The following LRCH1 variants were observed in gnomAD, a reference collection of about 807,000 sequenced individuals.
LRCH1 encodes the protein leucine rich repeats and calponin homology domain containing 1.
In LRCH1, 23 loss-of-function variants were observed where a neutral mutation model predicts 94.9. The observed-to-expected ratio is 0.24, with a 90% CI of 0.17 to 0.34. The LOEUF (loss-of-function observed/expected upper bound fraction) is 0.34. Ranked by LOEUF, LRCH1 falls within the 10% of genes least tolerant of loss-of-function variation. The pLI, the probability that LRCH1 is intolerant of heterozygous loss-of-function variation, is 1.00. For synonymous variants in LRCH1, 364 were observed against 354.9 expected (o/e 1.03, Z -0.29); for missense variants, 790 against 945.9 (o/e 0.84, Z 2.16).
At chr13:46,640,940 T>C (rs988935606) in intron 1 of LRCH1, among the ~76,000 whole-genome samples, 1 of 152,204 alleles carries the variant, frequency 6.6e-6, no homozygotes, top group African/African-American at 2.4e-5. Context: ...GGCTGAGATC[T>C]TGACTCACTC....
intron 2 of LRCH1, among the ~76,000 whole-genome samples, chr13:46,656,999 G>A (rs2051377384): frequency 6.6e-6 from 1 of 152,218 alleles, no homozygotes; most frequent in East Asian, 1.9e-4. Flanking sequence ...AAAAAGAACA[G>A]AGAGACACAA....
chr13:46,740,994 A>C (rs1327535583), intron 19 of LRCH1, among the ~76,000 whole-genome samples: 1 of 152,202 alleles, frequency 6.6e-6, no homozygotes, highest in Non-Finnish European at 1.5e-5. Flanking sequence ...CTCTACTCTC[A>C]CTACACATCC....
chr13:46,557,042 G>A (rs2050073628), intron 1 of LRCH1, among the ~76,000 whole-genome samples: 2 of 152,188 alleles, frequency 1.3e-5, no homozygotes, highest in African/African-American at 2.4e-5. Context: ...TACACAGATT[G>A]CTTTGTATTG....
chr13:46,560,097 A>G (rs530959253), intron 1 of LRCH1, among the ~76,000 whole-genome samples: 15 of 145,684 alleles, frequency 1.0e-4, no homozygotes, highest in Non-Finnish European at 2.1e-4. Context: ...GCTTGTTTAA[A>G]CACAAGCTAT....
intron 3 of LRCH1, among the ~76,000 whole-genome samples, chr13:46,670,010 C>T (rs1378399398): frequency 6.6e-6 from 1 of 152,200 alleles, no homozygotes; most frequent in African/African-American, 2.4e-5. Flanking sequence ...GTGCCAACTC[C>T]TCTGGGGCCA....
intron 15 of LRCH1, among the ~76,000 whole-genome samples, chr13:46,715,139 C>T (rs147749420): frequency 6.6e-6 from 1 of 152,076 alleles, no homozygotes; most frequent in Non-Finnish European, 1.5e-5. Context: ...TTCTATGTCA[C>T]CAATTTTTTT....
At chr13:46,691,841 C>A (rs535935411) in intron 7 of LRCH1, among the ~76,000 whole-genome samples, 9 of 152,254 alleles carry the variant, frequency 5.9e-5, no homozygotes, top group African/African-American at 2.2e-4. Context: ...AGGTGTGTGC[C>A]ACCACGCCCA....
chr13:46,652,024 AC>A (rs34704437), intron 2 of LRCH1, among the ~76,000 whole-genome samples: 43,767 of 79,832 alleles, frequency 0.55, 13,287 homozygotes, highest in South Asian at 0.65. Flanking sequence ...AGTAGCTGGG[AC>A]TACAGGCGCC....
At chr13:46,739,737 T>C (rs1476330054) in intron 19 of LRCH1, among the ~76,000 whole-genome samples, 2 of 152,220 alleles carry the variant, frequency 1.3e-5, no homozygotes, top group Non-Finnish European at 2.9e-5. Context: ...TTCCTTTTTC[T>C]TTAGAGATTA....
At chr13:46,582,695 C>CTCAACATG (rs1193969294) in intron 1 of LRCH1, among the ~76,000 whole-genome samples, 59 of 62,404 alleles carry the variant, frequency 9.5e-4, no homozygotes, top group African/African-American at 3.1e-3. Context: ...GAGACGGGGT[C>CTCAACATG]TCAACATGTT....
chr13:46,595,694 A>G (rs898146489), intron 1 of LRCH1, among the ~76,000 whole-genome samples: 2 of 152,176 alleles, frequency 1.3e-5, no homozygotes, highest in South Asian at 2.1e-4. Context: ...GTGAGTTCCT[A>G]TGTCATAATT....
At chr13:46,603,222 G>A (rs2050650850) in intron 1 of LRCH1, among the ~76,000 whole-genome samples, 1 of 152,000 alleles carries the variant, frequency 6.6e-6, no homozygotes, top group Non-Finnish European at 1.5e-5. Flanking sequence ...TGTTTTCTGA[G>A]CATGGGTGTG....
intron 1 of LRCH1, among the ~76,000 whole-genome samples, chr13:46,634,364 G>A (rs1444322261): frequency 1.3e-5 from 2 of 152,054 alleles, no homozygotes; most frequent in Non-Finnish European, 1.5e-5. Flanking sequence ...ACCTTATTTC[G>A]GGCCTTCCTC....
At chr13:46,617,138 C>T (rs1394921142) in intron 1 of LRCH1, among the ~76,000 whole-genome samples, 1 of 152,212 alleles carries the variant, frequency 6.6e-6, no homozygotes, top group African/African-American at 2.4e-5. Context: ...CTGACAATAA[C>T]ACAGTGCTCA....
In LRCH1 at chr13:46,694,988, G is replaced by A; in HGVS notation, c.1216G>A (p.Gly406Ser). 1.2e-6 allele frequency: 2 copies of A among 1,613,952 alleles called. No homozygotes were observed. Among genetic ancestry groups the A allele is most frequent in the Non-Finnish European group, 1.7e-6 (2 of 1,179,886 alleles). ...ERDQFTDRAD[G>S]LHSEFMNYKA... ...AGACCAGTTTACTGATAGAGCAGATGGTCTCCATTCGGAATTTATGAACTA... is the reference window on the plus strand; with the variant it reads ...AGACCAGTTTACTGATAGAGCAGATAGTCTCCATTCGGAATTTATGAACTA... Residue 406 changes from glycine (G) to serine (S), a missense_variant, in exon 9 of 20, where the codon GGT (glycine) becomes AGT (serine). Around this residue, in one of 3 missense-constraint regions of LRCH1, gnomAD observed 460 missense variants for 508.9 expected, o/e 0.90. Transcript: ENST00000389797.
intron 1 of LRCH1, among the ~76,000 whole-genome samples, chr13:46,580,212 C>T (rs2050349561): frequency 6.6e-6 from 1 of 152,218 alleles, no homozygotes; most frequent in Non-Finnish European, 1.5e-5. Flanking sequence ...ACTATTTTCA[C>T]TGAAGGAGTT....
At chr13:46,736,263 ATAATGT>A (rs1475771798) in intron 19 of LRCH1, among the ~76,000 whole-genome samples, 1 of 152,170 alleles carries the variant, frequency 6.6e-6, no homozygotes, top group Non-Finnish European at 1.5e-5. Flanking sequence ...TTCTTTAATG[ATAATGT>A]TAAAGTAAGT....
At chr13:46,686,964 T>TTC in intron 5 of LRCH1, among the ~76,000 whole-genome samples, 1 of 139,184 alleles carries the variant, frequency 7.2e-6, no homozygotes, top group South Asian at 2.4e-4. Flanking sequence ...TTTTTTTTTT[T>TTC]TTTTTTTTTT....
At position 46,744,268 on chromosome 13, in the gene LRCH1, C is replaced by T; in HGVS notation, c.*2420C>T. ...GTCACTGAGTGGTTTATTGTGCTGA[C>T]CAAATCTCCTCCTCACAAGAAAGAC... On this transcript the variant is annotated 3_prime_UTR_variant, in exon 20 of 20. Transcript: ENST00000389797. 1.0e-6 allele frequency: 1 copy of T among 984,330 alleles called. No homozygotes were observed. The highest frequency in any genetic ancestry group is 4.7e-5 in the South Asian group (1 of 21,280). 61.0% of individuals were successfully genotyped at this position (984,330 alleles called of 1,614,324 possible).
Sources: gnomAD v4.1 joint callset for allele counts (sites outside exome capture counted in the v4.1 genomes callset) on GRCh38, gnomAD v4.1.1 for gene constraint, gnomAD v4.1.1 regional missense constraint, MANE v1.5 for transcripts, NCBI Gene and HGNC (gene_info 2026-07-23, HGNC 2026-07-21) for gene names.